MECOM: variants seen among roughly 807,000 people sequenced by gnomAD.
The protein encoded by MECOM is histone-lysine N-methyltransferase MECOM.
A neutral mutation model predicts 116.3 loss-of-function variants in MECOM; 13 were observed. That is an observed-to-expected ratio of 0.11 (90% CI 0.07 to 0.18). MECOM has a LOEUF of 0.18. MECOM is among the 10% of genes least tolerant of loss of function. The pLI is 1.00. For synonymous variants in MECOM, 528 were observed against 535.2 expected, an observed-to-expected ratio of 0.99 and a Z score of 0.19; for missense variants, 1,299 against 1,509.0, an observed-to-expected ratio of 0.86 and a Z score of 2.31.
intron 16 of MECOM, among the ~76,000 whole-genome samples, chr3:169,088,246 C>A (rs1235221141): frequency 6.6e-6 from 1 of 152,128 alleles, no homozygotes; most frequent in East Asian, 1.9e-4. Flanking sequence ...CCTGAATGAA[C>A]AATCCGGTTG....
intron 1 of MECOM, among the ~76,000 whole-genome samples, chr3:169,404,522 C>A (rs1272195199): frequency 2.6e-5 from 4 of 152,178 alleles, no homozygotes; most frequent in Admixed American, 2.6e-4. Flanking sequence ...GCAAACAATC[C>A]AAAAATCTTT....
chr3:169,143,613 T>G (rs368193553), intron 3 of MECOM, 85 bp downstream of exon 3: 2 of 1,357,624 alleles, frequency 1.5e-6, no homozygotes, highest in South Asian at 3.3e-5. Context: ...AAGGGTCTAC[T>G]GCAGCTTACT....
At chr3:169,195,828 G>T (rs571657913) in intron 2 of MECOM, among the ~76,000 whole-genome samples, 1 of 151,940 alleles carries the variant, frequency 6.6e-6, no homozygotes, top group Non-Finnish European at 1.5e-5. Flanking sequence ...ATGAATCCTC[G>T]CTCTGTCAAG....
chr3:169,574,256 T>C (rs577233714), intron 1 of MECOM, among the ~76,000 whole-genome samples: 2 of 152,212 alleles, frequency 1.3e-5, no homozygotes, highest in African/African-American at 2.4e-5. Context: ...AGATGAATTA[T>C]GGAGGTTTTG....
intron 2 of MECOM, among the ~76,000 whole-genome samples, chr3:169,220,384 C>G (rs1424216758): frequency 6.6e-6 from 1 of 152,086 alleles, no homozygotes; most frequent in Non-Finnish European, 1.5e-5. Flanking sequence ...TGAGACCTCC[C>G]TTACCTAAAA....
At chr3:169,155,103 T>A (rs1046304478) in intron 2 of MECOM, among the ~76,000 whole-genome samples, 3 of 152,224 alleles carry the variant, frequency 2.0e-5, no homozygotes, top group African/African-American at 7.2e-5. Flanking sequence ...AAACTGTCTT[T>A]GAGACTTTTT....
chr3:169,235,053 A>G (rs2149531300), intron 2 of MECOM, among the ~76,000 whole-genome samples: 1 of 152,348 alleles, frequency 6.6e-6, no homozygotes, highest in Admixed American at 6.5e-5. Context: ...GGCAAAACTT[A>G]GGAAAAATAA....
At position 169,171,466 on chromosome 3, in the gene MECOM, A is replaced by G. The variant is rs182840862; in HGVS notation, c.376-27634T>C. ...GTATCCAATACATATTTGAGAAAAT[A>G]AATTAGAAATATTGTTTTATGACAG... On this transcript the variant is annotated intron_variant, in intron 2 of 16. Coordinates refer to ENST00000651503, the MANE Select transcript of MECOM (RefSeq NM_004991.4). 6.2e-3 allele frequency among the ~76,000 whole-genome samples: 940 copies of G among 152,328 alleles called. 10 individuals are homozygous for G. Among genetic ancestry groups the G allele is most frequent in the Admixed American group, 0.01 (154 of 15,290 alleles).
intron 2 of MECOM, chr3:169,147,481 C>A: frequency 2.0e-6 from 2 of 985,458 alleles, no homozygotes; most frequent in African/African-American, 1.7e-5. Flanking sequence ...TGATCGGAAG[C>A]CAGACGGGCT....
At chr3:169,525,890 G>A (rs189771085) in intron 1 of MECOM, among the ~76,000 whole-genome samples, 103 of 152,222 alleles carry the variant, frequency 6.8e-4, no homozygotes, top group African/African-American at 2.4e-3. Context: ...TTAGCCAGAC[G>A]TGGTGGTGGG....
At position 169,092,818 on chromosome 3, in the gene MECOM, G is replaced by C. The variant is rs1720187292; in HGVS notation, c.3164+140C>G. The C allele has an allele frequency of 4.7e-6, 4 of 858,538 alleles. No homozygotes were observed. The South Asian group carries it at 6.9e-5, about 15-fold the overall frequency. 53.2% of individuals were successfully genotyped at this position (858,538 alleles called of 1,614,324 possible). A position where few individuals can be genotyped will look rare whatever the true frequency, so the allele number is the denominator to read the frequency against. On this transcript the variant is annotated intron_variant, in intron 14 of 16. Transcript: ENST00000651503. ...AAAATGCTTGGAAGCATTTAATGTG[G>C]TATTTAATATGTACTAAATATATAC...
chr3:169,328,475 T>C (rs1722211734), intron 2 of MECOM, among the ~76,000 whole-genome samples: 1 of 152,192 alleles, frequency 6.6e-6, no homozygotes, highest in South Asian at 2.1e-4. Context: ...CTTGTCATCA[T>C]ATAACTGAAC....
chr3:169,406,276 T>C (rs558988438), intron 1 of MECOM, among the ~76,000 whole-genome samples: 4 of 152,342 alleles, frequency 2.6e-5, no homozygotes, highest in Non-Finnish European at 4.4e-5. Flanking sequence ...CCTGGCACTG[T>C]CACTAATTAA....
intron 1 of MECOM, among the ~76,000 whole-genome samples, chr3:169,467,382 T>C (rs1215878896): frequency 1.3e-5 from 2 of 152,132 alleles, no homozygotes; most frequent in Non-Finnish European, 2.9e-5. Flanking sequence ...GTTGATTCTA[T>C]AGTATCTGTT....
At chr3:169,636,433 G>C (rs888149506) in intron 1 of MECOM, among the ~76,000 whole-genome samples, 1 of 152,072 alleles carries the variant, frequency 6.6e-6, no homozygotes, top group Non-Finnish European at 1.5e-5. Context: ...TCATGTAATA[G>C]AAAAAAGAAA....
chr3:169,546,962 A>G (rs1052595737), intron 1 of MECOM, among the ~76,000 whole-genome samples: 4 of 152,232 alleles, frequency 2.6e-5, no homozygotes, highest in African/African-American at 7.2e-5. Flanking sequence ...AACACAGTAT[A>G]AATTTTTTAT....
At chr3:169,518,184 G>C (rs369266487) in intron 1 of MECOM, among the ~76,000 whole-genome samples, 1 of 152,068 alleles carries the variant, frequency 6.6e-6, no homozygotes, top group South Asian at 2.1e-4. Flanking sequence ...GTGCGAACCC[G>C]GGAGGCGGAG....
intron 1 of MECOM, among the ~76,000 whole-genome samples, chr3:169,440,596 A>G (rs1743472701): frequency 1.3e-5 from 2 of 152,170 alleles, no homozygotes. Context: ...AACACTCTAA[A>G]TAGTTTGCAA....
intron 1 of MECOM, among the ~76,000 whole-genome samples, chr3:169,405,809 G>A (rs951799797): frequency 6.6e-6 from 1 of 152,154 alleles, no homozygotes; most frequent in African/African-American, 2.4e-5. Flanking sequence ...GAAAAAGGGT[G>A]GTTGTACTTC....
Sources: gnomAD v4.1 joint callset for allele counts (sites outside exome capture counted in the v4.1 genomes callset) on GRCh38, gnomAD v4.1.1 for gene constraint, MANE v1.5 for transcripts, NCBI Gene and HGNC (gene_info 2026-07-23, HGNC 2026-07-21) for gene names.